SPATS1: variants seen among roughly 807,000 people sequenced by gnomAD.
The protein encoded by SPATS1 is spermatogenesis associated serine rich 1, also known as spermatogenesis-associated serine-rich protein 1.
In SPATS1, 23 loss-of-function variants were observed where a neutral mutation model predicts 33.6. The ratio of observed to expected loss-of-function variants is 0.68; its 90% confidence interval spans 0.49 to 0.97. SPATS1 has a LOEUF of 0.97. Among genes scored for constraint, SPATS1 ranks in the 50% least tolerant of loss-of-function variants. SPATS1 has a pLI of 0.00. For synonymous variants in SPATS1, 131 were observed against 125.6 expected, an observed-to-expected ratio of 1.04 and a Z score of -0.29; for missense variants, 327 against 361.0, an observed-to-expected ratio of 0.91 and a Z score of 0.76.
Position 44,352,785 on chromosome 6 carries a change from G to A in SPATS1, c.199G>A (p.Gly67Ser). The A allele has an allele frequency of 6.2e-7, 1 of 1,614,172 alleles. No homozygotes were observed. Reference sequence around the variant, plus strand: ...ATGTTTTGCCAACACAACACCCTCTGGCAAAAGTGTCAGTTCCTCATCTTC... The same window carrying A: ...ATGTTTTGCCAACACAACACCCTCTAGCAAAAGTGTCAGTTCCTCATCTTC... ...KGCFANTTPS[G>S]KSVSSSSSVE... is the part of the protein sequence containing the mutation. Residue 67 changes from glycine (G) to serine (S), a missense_variant, in exon 3 of 9, where the codon GGC (glycine) becomes AGC (serine). By Grantham distance (56) the Gly-to-Ser change is moderately conservative. Transcript: ENST00000674044.
At chr6:44,367,770 G>C (rs1244873136) in intron 5 of SPATS1, among the ~76,000 whole-genome samples, 2 of 152,130 alleles carry the variant, frequency 1.3e-5, no homozygotes, top group Non-Finnish European at 1.5e-5. Flanking sequence ...GGGTTTAAAT[G>C]ATCACCCTAC....
At chr6:44,347,439 T>C (rs1365468826) in intron 2 of SPATS1, among the ~76,000 whole-genome samples, 1 of 152,202 alleles carries the variant, frequency 6.6e-6, no homozygotes, top group Non-Finnish European at 1.5e-5. Flanking sequence ...TTATAGATTT[T>C]CCCCCAGTTT....
chr6:44,360,937 T>C (rs763478135), intron 4 of SPATS1, among the ~76,000 whole-genome samples: 1 of 152,198 alleles, frequency 6.6e-6, no homozygotes, highest in African/African-American at 2.4e-5. Flanking sequence ...CGTGTACATA[T>C]ATAGATATAA....
At chr6:44,364,215 T>C (rs993293661) in intron 5 of SPATS1, among the ~76,000 whole-genome samples, 4 of 152,230 alleles carry the variant, frequency 2.6e-5, no homozygotes, top group Non-Finnish European at 5.9e-5. Flanking sequence ...CACAATTCCA[T>C]ATCATAATAT....
In SPATS1 at chr6:44,368,183, A is replaced by G. The variant is rs574411422; in HGVS notation, c.575-196A>G. On this transcript the variant is annotated intron_variant, in intron 5 of 8. Coordinates refer to ENST00000674044, the MANE Select transcript of SPATS1 (RefSeq NM_001372081.1). ...TCCAGGGTGAGGTAGTTACAACAACACTTTTTGGAAAATGTCCCAAATATA... is the reference window on the plus strand; with the variant it reads ...TCCAGGGTGAGGTAGTTACAACAACGCTTTTTGGAAAATGTCCCAAATATA... 5.1e-4 allele frequency among the ~76,000 whole-genome samples: 78 copies of G among 152,354 alleles called. 1 individual carries two copies. The Middle Eastern group carries it at 0.01, about 20-fold the overall frequency.
At chr6:44,353,002 T>C (rs1788333522) in intron 3 of SPATS1, 129 bp downstream of exon 3, 1 of 982,474 alleles carries the variant, frequency 1.0e-6, no homozygotes, top group Non-Finnish European at 1.5e-6. Context: ...TGGGTTCAAA[T>C]CCCGGTTCTG....
Position 44,377,243 on chromosome 6 carries a change from A to C in SPATS1, c.*180A>C. ...TCACATTTACATAAAAGTTGCAAGA[A>C]TTGTACAACAAACACCTGCATATCC... On this transcript the variant is annotated 3_prime_UTR_variant, in exon 9 of 9. Coordinates refer to ENST00000674044, the MANE Select transcript of SPATS1 (RefSeq NM_001372081.1). 3.0e-6 allele frequency: 2 copies of C among 666,784 alleles called. No homozygotes were observed. Among genetic ancestry groups the C allele is most frequent in the Non-Finnish European group, 5.1e-6 (2 of 389,962 alleles). The allele number at this position is 666,784 out of a possible 1,614,324, so 41.3% of individuals were successfully genotyped here. A position where few individuals can be genotyped will look rare whatever the true frequency, so the allele number is the denominator to read the frequency against.
chr6:44,347,398 C>T (rs1787959986), intron 2 of SPATS1, among the ~76,000 whole-genome samples: 1 of 152,018 alleles, frequency 6.6e-6, no homozygotes, highest in Non-Finnish European at 1.5e-5. Flanking sequence ...TTTGTCATGA[C>T]TACTCACTCT....
intron 2 of SPATS1, among the ~76,000 whole-genome samples, chr6:44,351,587 T>C (rs1481645879): frequency 2.0e-5 from 3 of 152,234 alleles, no homozygotes. Flanking sequence ...AATCTTTTCA[T>C]CGGACTTTTT....
intron 2 of SPATS1, among the ~76,000 whole-genome samples, chr6:44,349,105 G>A (rs199862306): frequency 2.0e-5 from 3 of 150,084 alleles, no homozygotes; most frequent in East Asian, 2.0e-4. Flanking sequence ...CACTCCAGCC[G>A]GGGGGACAGA....
chr6:44,347,242 G>A (rs1255664375), intron 2 of SPATS1, among the ~76,000 whole-genome samples: 1 of 152,166 alleles, frequency 6.6e-6, no homozygotes, highest in Non-Finnish European at 1.5e-5. Context: ...GGGGAGGGGA[G>A]AAGGATAGCA....
chr6:44,377,171 G>A lies in SPATS1; in HGVS notation c.*108G>A. 7.2e-7 allele frequency: 1 copy of A among 1,381,200 alleles called. No homozygotes were observed. The highest frequency in any genetic ancestry group is 1.0e-6 in the Non-Finnish European group (1 of 975,342). The allele number at this position is 1,381,200 out of a possible 1,614,324, so 85.6% of individuals were successfully genotyped here. A position where few individuals can be genotyped will look rare whatever the true frequency, so the allele number is the denominator to read the frequency against. On this transcript the variant is annotated 3_prime_UTR_variant, in exon 9 of 9. Transcript: ENST00000674044. ...TAAATCCAGTGTTTGACCCTTATGAGGAAGTGTTGTGCTTTGCTTTTTTAA... is the reference window on the plus strand; with the variant it reads ...TAAATCCAGTGTTTGACCCTTATGAAGAAGTGTTGTGCTTTGCTTTTTTAA...
intron 7 of SPATS1, among the ~76,000 whole-genome samples, chr6:44,372,476 T>G (rs1398019092): frequency 6.6e-6 from 1 of 151,536 alleles, no homozygotes; most frequent in Admixed American, 6.6e-5. Context: ...TTTATTTATG[T>G]TTTTTTAGAT....
At chr6:44,369,313 G>T (rs1219580513) in intron 6 of SPATS1, among the ~76,000 whole-genome samples, 3 of 151,512 alleles carry the variant, frequency 2.0e-5, no homozygotes, top group African/African-American at 7.3e-5. Context: ...GAGGCCAAGG[G>T]TGGGGTGGGG....
intron 7 of SPATS1, among the ~76,000 whole-genome samples, chr6:44,371,360 A>G (rs979092214): frequency 6.6e-6 from 1 of 152,110 alleles, no homozygotes; most frequent in Non-Finnish European, 1.5e-5. Flanking sequence ...TATGGTCAAT[A>G]AGACAATTGT....
rs1271048002 is a variant in SPATS1, at chr6:44,343,440, C to T, written c.139+206C>T. ...AGAGAGCACCACCAAAGCAGAGAGT[C>T]TCATAAATTACCTCACTGGATCTCA... On this transcript the variant is annotated intron_variant, in intron 2 of 8. Coordinates refer to ENST00000674044, the MANE Select transcript of SPATS1 (RefSeq NM_001372081.1). The T allele has an allele frequency of 4.5e-6, 3 of 672,594 alleles. No homozygotes were observed. The Admixed American group carries it at 6.2e-5, about 14-fold the overall frequency. The allele number at this position is 672,594 out of a possible 1,614,324, so 41.7% of individuals were successfully genotyped here. A position where few individuals can be genotyped will look rare whatever the true frequency, so the allele number is the denominator to read the frequency against.
intron 5 of SPATS1, among the ~76,000 whole-genome samples, chr6:44,365,228 A>T (rs2153368592): frequency 6.6e-6 from 1 of 152,370 alleles, no homozygotes; most frequent in African/African-American, 2.4e-5. Flanking sequence ...ACTGTTATCC[A>T]TCAGCCATAA....
intron 2 of SPATS1, among the ~76,000 whole-genome samples, chr6:44,350,526 C>T (rs970216976): frequency 2.0e-5 from 3 of 152,214 alleles, no homozygotes; most frequent in Non-Finnish European, 4.4e-5. Flanking sequence ...GCGCCATGTC[C>T]TGAGAAGCCC....
chr6:44,343,138 C>A lies in SPATS1; in HGVS notation c.43C>A (p.Arg15Ser). Residue 15 changes from arginine (R) to serine (S), a missense_variant, in exon 2 of 9, where the codon CGT becomes AGT. Coordinates refer to ENST00000674044, the MANE Select transcript of SPATS1 (RefSeq NM_001372081.1). ...CACTGGAAACAGTCCACGGGGCTGC[C>A]GTCTCCCCTCCATCTCAAGCACGAC... ...MLTGNSPRGC[R>S]LPSISSTTCG... 6.2e-7 allele frequency: 1 copy of A among 1,614,138 alleles called. No individual in the cohort carries two copies. The highest frequency in any genetic ancestry group is 8.5e-7 in the Non-Finnish European group (1 of 1,180,018).
Sources: allele counts gnomAD v4.1 joint callset (sites outside exome capture counted in the v4.1 genomes callset), GRCh38; gene constraint gnomAD v4.1.1; transcripts MANE v1.5; gene names NCBI Gene and HGNC (gene_info 2026-07-23, HGNC 2026-07-21).